TBX21: variants seen among roughly 807,000 people sequenced by gnomAD.
The protein encoded by TBX21 is T-box transcription factor TBX21.
TBX21 carries 11 observed loss-of-function variants against 52.2 expected under a neutral mutation model. The ratio of observed to expected loss-of-function variants is 0.21; its 90% CI spans 0.13 to 0.35. The LOEUF is 0.35. Ranked by LOEUF, TBX21 falls within the 10% of genes least tolerant of loss-of-function variation. TBX21 has a pLI of 1.00. For missense variants in TBX21, 625 were observed against 755.1 expected (o/e 0.83, Z 2.02); for synonymous variants, 300 against 316.1 (o/e 0.95, Z 0.54).
chr17:47,745,104 G>C lies in TBX21; in HGVS notation c.1346G>C (p.Arg449Pro). 6.2e-7 allele frequency: 1 copy of C among 1,613,892 alleles called. No homozygotes were observed. Among genetic ancestry groups the C allele is most frequent in the Non-Finnish European group, 8.5e-7 (1 of 1,180,024 alleles). The change falls in exon 6 of 6, where the codon CGC becomes CCC. Residue 449 changes from arginine to proline, a missense_variant. Around this residue, in one of 4 missense-constraint regions of TBX21, gnomAD observed 261 missense variants for 275.1 expected, o/e 0.95. Coordinates refer to ENST00000177694, the MANE Select transcript of TBX21 (RefSeq NM_013351.2). ...PPKMGPASWFRPMRTLPMEPG... is the reference protein window; with the variant it reads ...PPKMGPASWFPPMRTLPMEPG... ...AAGATGGGCCCGGCCAGCTGGTTCC[G>C]CCCTATGCGGACTCTGCCCATGGAA...
In TBX21 at chr17:47,745,149, AGGGACG is replaced by A. The variant is rs779985885; in HGVS notation, c.1397_1402del (p.Arg466_Gly467del). 6.2e-7 allele frequency: 1 copy of A among 1,614,060 alleles called. No individual in the cohort carries two copies. The highest frequency in any genetic ancestry group is 8.5e-7 in the Non-Finnish European group (1 of 1,180,018). On this transcript the variant is annotated inframe_deletion, in exon 6 of 6. Coordinates refer to ENST00000177694, the MANE Select transcript of TBX21 (RefSeq NM_013351.2). ...ATGGAACCCGGCCCTGGAGGCTCAG[AGGGACG>A]GGGACCAGAGGACCAGGGTCCCCCC...
rs1229925300 is a variant in TBX21 at position 47,745,863 on chromosome 17, C to CTGACTT, written c.*500_*505dup. The CTGACTT allele has an allele frequency of 2.0e-5, 3 of 153,832 alleles. No homozygotes were observed. The highest frequency in any genetic ancestry group is 4.3e-5 in the Non-Finnish European group (3 of 69,204). 9.5% of individuals were successfully genotyped at this position (153,832 alleles called of 1,614,324 possible). On this transcript the variant is annotated 3_prime_UTR_variant, in exon 6 of 6. Transcript: ENST00000177694. The stretch of plus-strand genomic sequence containing the variant: ...CGCCAGGGTCAGGGAAAGGACTCAC[C>CTGACTT]TGACTTTGGACAGCTGGCCTGGGCT...
chr17:47,745,308 C>T lies in TBX21; in HGVS notation c.1550C>T (p.Ala517Val), dbSNP rs767338550. The T allele has an allele frequency of 8.7e-6, 14 of 1,611,502 alleles. No homozygotes were observed. In the South Asian group the frequency reaches 1.3e-4, roughly 15 times the overall value. The change falls in exon 6 of 6, where the codon GCC becomes GTC. Residue 517 changes from alanine to valine, a missense_variant. Transcript: ENST00000177694. ...GGTGACAGCTCCTCCCCTGCTGGGG[C>T]CCCTTCTCCTTTTGATAAGGAAGCT... The part of the protein sequence containing the change: ...SSGDSSSPAG[A>V]PSPFDKEAEG...
In TBX21 at chr17:47,745,934, G is replaced by C. The variant is rs1489683814; in HGVS notation, c.*568G>C. 6.6e-6 allele frequency: 1 copy of C among 152,524 alleles called. No individual in the cohort carries two copies. The highest frequency in any genetic ancestry group is 1.5e-5 in the Non-Finnish European group (1 of 68,306). 9.4% of individuals were successfully genotyped at this position (152,524 alleles called of 1,614,324 possible). On this transcript the variant is annotated 3_prime_UTR_variant, in exon 6 of 6. Transcript: ENST00000177694. ...GGGATCAGAGAAAAGGGGCTGGAAA[G>C]GGGGGAATGGCCCACATCTCAAGAA...
At chr17:47,739,202 T>C (rs535589934) in intron 1 of TBX21, among the ~76,000 whole-genome samples, 18 of 152,264 alleles carry the variant, frequency 1.2e-4, no homozygotes, top group Middle Eastern at 6.8e-3. Context: ...GTCATGTAAA[T>C]CAGGGGCTAT....
Position 47,742,972 on chromosome 17 carries a change from C to A in TBX21, c.647-99C>A, listed in dbSNP as rs537511776. On this transcript the variant is annotated intron_variant, in intron 2 of 5. Transcript: ENST00000177694. This position sits in a 1 kb window ranked among gnomAD's most constrained non-coding sequence, Gnocchi z 4.4. ...CTGCCCTTCCCTGCCTGGTCCTCCC[C>A]CTGTGTCCTTCCTTACGTCCCTCTC... 6.4e-7 allele frequency: 1 copy of A among 1,557,214 alleles called. No homozygotes were observed. Among genetic ancestry groups the A allele is most frequent in the Non-Finnish European group, 8.7e-7 (1 of 1,154,350 alleles).
chr17:47,733,683 T>C lies in TBX21; in HGVS notation c.229T>C (p.Tyr77His). ...GAGCCGCTTCCTTGGAGCCTACGCC[T>C]ACCCGCCGCGACCCCAGGCGGCCGG... is the stretch of plus-strand genomic sequence containing the variant. Reference protein sequence around the residue: ...PPSRFLGAYAYPPRPQAAGFP... With the variant: ...PPSRFLGAYAHPPRPQAAGFP... Residue 77 changes from tyrosine to histidine, a missense_variant, in exon 1 of 6, where the codon TAC becomes CAC. Tyr to His is a moderately conservative substitution (Grantham distance 83). Around this residue, in one of 4 missense-constraint regions of TBX21, gnomAD observed 221 missense variants for 204.9 expected, o/e 1.08. Transcript: ENST00000177694. The surrounding 1 kb of genome is among the most constrained non-coding windows in gnomAD (Gnocchi z 6.6). 7.0e-7 allele frequency: 1 copy of C among 1,435,062 alleles called. No individual in the cohort carries two copies. 88.9% of individuals were successfully genotyped at this position (1,435,062 alleles called of 1,614,324 possible).
chr17:47,733,715 C>A lies in TBX21; in HGVS notation c.261C>A (p.Pro87=). The stretch of plus-strand genomic sequence containing the variant: ...CGCGACCCCAGGCGGCCGGCTTCCC[C>A]GGCGCGGGCGAGTCCTTCCCGCCGC... The part of the protein sequence containing the change: ...YPPRPQAAGF[P]GAGESFPPPA... Residue 87 remains proline, a synonymous_variant, in exon 1 of 6, where the codon CCC becomes CCA. Coordinates refer to ENST00000177694, the MANE Select transcript of TBX21 (RefSeq NM_013351.2). This position sits in a 1 kb window ranked among gnomAD's most constrained non-coding sequence, Gnocchi z 6.6. 2 of 1,414,924 alleles carry A rather than the reference C, an allele frequency of 1.4e-6. No individual in the cohort carries two copies. Among genetic ancestry groups the A allele is most frequent in the Non-Finnish European group, 1.8e-6 (2 of 1,085,360 alleles). The allele number at this position is 1,414,924 out of a possible 1,614,324, so 87.6% of individuals were successfully genotyped here. A position where few individuals can be genotyped will look rare whatever the true frequency, so the allele number is the denominator to read the frequency against.
At position 47,733,567 on chromosome 17, in the gene TBX21, C is replaced by G; in HGVS notation, c.113C>G (p.Pro38Arg). 6.8e-7 allele frequency: 1 copy of G among 1,473,260 alleles called. No homozygotes were observed. The allele number at this position is 1,473,260 out of a possible 1,614,324, so 91.3% of individuals were successfully genotyped here. ...GACCCGCAGCACCGCTACTTCTACC[C>G]GGAGCCGGGCGCGCAGGACGCGGAC... ...GADPQHRYFY[P>R]EPGAQDADER... The change falls in exon 1 of 6, where the codon CCG becomes CGG. Residue 38 changes from proline to arginine, a missense_variant. Transcript: ENST00000177694. This position sits in a 1 kb window ranked among gnomAD's most constrained non-coding sequence, Gnocchi z 6.6.
rs1022103577 is a variant in TBX21 at position 47,744,719 on chromosome 17, C to T, written c.990-29C>T. 5 of 1,601,114 alleles carry T rather than the reference C, an allele frequency of 3.1e-6. No homozygotes were observed. In the African/African-American group the frequency reaches 5.4e-5, roughly 17 times the overall value. ...ACAGGTGACTGGTTCTGCTTGTGAC[C>T]CGTTTTCTTGCCTTCTATTTTTTTC... On this transcript the variant is annotated intron_variant, in intron 5 of 5. Coordinates refer to ENST00000177694, the MANE Select transcript of TBX21 (RefSeq NM_013351.2).
intron 1 of TBX21, among the ~76,000 whole-genome samples, chr17:47,737,169 A>T (rs2032216087): frequency 6.6e-6 from 1 of 152,178 alleles, no homozygotes; most frequent in Non-Finnish European, 1.5e-5. Context: ...GATTTGGGGC[A>T]GCCTGATAAT....
rs2032323713 is a variant in TBX21, at chr17:47,745,465, C to T, written c.*99C>T. Reference sequence around the variant, plus strand: ...GAAGGACTGAGAAGGCCCCCGCTCCCTCTGGCCCTTCTCTGTTTAGTAGTT... The same window carrying T: ...GAAGGACTGAGAAGGCCCCCGCTCCTTCTGGCCCTTCTCTGTTTAGTAGTT... On this transcript the variant is annotated 3_prime_UTR_variant, in exon 6 of 6. Transcript: ENST00000177694. 1.2e-5 allele frequency: 17 copies of T among 1,475,674 alleles called. No individual in the cohort carries two copies. In the South Asian group the frequency reaches 2.1e-4, roughly 18 times the overall value. The allele number at this position is 1,475,674 out of a possible 1,614,324, so 91.4% of individuals were successfully genotyped here.
At chr17:47,736,750 T>G (rs1395099515) in intron 1 of TBX21, among the ~76,000 whole-genome samples, 1 of 152,162 alleles carries the variant, frequency 6.6e-6, no homozygotes, top group African/African-American at 2.4e-5. Context: ...GCTTTTGGGC[T>G]TATAGCACAG....
At position 47,742,502 on chromosome 17, in the gene TBX21, G is replaced by T; in HGVS notation, c.492-108G>T. The T allele has an allele frequency of 7.4e-7, 1 of 1,345,412 alleles. No individual in the cohort carries two copies. The highest frequency in any genetic ancestry group is 9.9e-7 in the Non-Finnish European group (1 of 1,010,544). The allele number at this position is 1,345,412 out of a possible 1,614,324, so 83.3% of individuals were successfully genotyped here. The stretch of plus-strand genomic sequence containing the variant: ...ACCTTCCAGCTGGTTCTTGTGAGTG[G>T]GAGGAAGCCGGCTACAGCACACCAC... On this transcript the variant is annotated intron_variant, in intron 1 of 5. Coordinates refer to ENST00000177694, the MANE Select transcript of TBX21 (RefSeq NM_013351.2). This position sits in a 1 kb window ranked among gnomAD's most constrained non-coding sequence, Gnocchi z 4.4.
chr17:47,740,532 G>A (rs935636093), intron 1 of TBX21, among the ~76,000 whole-genome samples: 3 of 152,050 alleles, frequency 2.0e-5, no homozygotes, highest in African/African-American at 7.2e-5. Flanking sequence ...TCAGGAGTTC[G>A]AGACCAGCTT....
Position 47,745,146 on chromosome 17 carries a change from C to T in TBX21, c.1388C>T (p.Ser463Leu), listed in dbSNP as rs2032317436. ...CCCATGGAACCCGGCCCTGGAGGCTCAGAGGGACGGGGACCAGAGGACCAG... is the reference window on the plus strand; with the variant it reads ...CCCATGGAACCCGGCCCTGGAGGCTTAGAGGGACGGGGACCAGAGGACCAG... ...TLPMEPGPGGSEGRGPEDQGP... is the reference protein window; with the variant it reads ...TLPMEPGPGGLEGRGPEDQGP... Residue 463 changes from serine to leucine, a missense_variant, in exon 6 of 6, where the codon TCA becomes TTA. This residue lies in a region of TBX21 where 261 missense variants were observed against 275.1 expected (regional missense o/e 0.95). Transcript: ENST00000177694. The T allele has an allele frequency of 6.2e-7, 1 of 1,614,080 alleles. No homozygotes were observed. Among genetic ancestry groups the T allele is most frequent in the South Asian group, 1.1e-5 (1 of 91,090 alleles).
At position 47,742,534 on chromosome 17, in the gene TBX21, C is replaced by T; in HGVS notation, c.492-76C>T. On this transcript the variant is annotated intron_variant, in intron 1 of 5. Coordinates refer to ENST00000177694, the MANE Select transcript of TBX21 (RefSeq NM_013351.2). The surrounding 1 kb of genome is among the most constrained non-coding windows in gnomAD (Gnocchi z 4.4). ...GCCGGCTACAGCACACCACTGATGC[C>T]TGGGCACTGTTGCAGGGGGGACTGG... 6.7e-7 allele frequency: 1 copy of T among 1,484,768 alleles called. No individual in the cohort carries two copies. Among genetic ancestry groups the T allele is most frequent in the Admixed American group, 2.3e-5 (1 of 42,958 alleles). The allele number at this position is 1,484,768 out of a possible 1,614,324, so 92.0% of individuals were successfully genotyped here.
At position 47,742,335 on chromosome 17, in the gene TBX21, GC is replaced by G. The variant is rs1286442342; in HGVS notation, c.492-273del. ...GACCTCAGGTGATCCGCCCGCCTTGGCCTCTCAAAGTGCTGGGATTACAGGC... is the reference window on the plus strand; with the variant it reads ...GACCTCAGGTGATCCGCCCGCCTTGGCTCTCAAAGTGCTGGGATTACAGGC... On this transcript the variant is annotated intron_variant, in intron 1 of 5. Coordinates refer to ENST00000177694, the MANE Select transcript of TBX21 (RefSeq NM_013351.2). The surrounding 1 kb of genome is among the most constrained non-coding windows in gnomAD (Gnocchi z 4.4). Among the ~76,000 whole-genome samples, 2 of 152,146 alleles carry G rather than the reference GC, an allele frequency of 1.3e-5. No individual in the cohort carries two copies. The highest frequency in any genetic ancestry group is 2.9e-5 in the Non-Finnish European group (2 of 68,032).
intron 1 of TBX21, among the ~76,000 whole-genome samples, chr17:47,740,687 G>T (rs1390968267): frequency 6.6e-6 from 1 of 152,118 alleles, no homozygotes; most frequent in African/African-American, 2.4e-5. Flanking sequence ...CTGAGATCAC[G>T]CCACTGCACT....
Sources: gnomAD v4.1 joint callset for allele counts (sites outside exome capture counted in the v4.1 genomes callset) on GRCh38, gnomAD v4.1.1 for gene constraint, gnomAD v4.1.1 regional missense constraint, Gnocchi (gnomAD v3.1) non-coding constraint, MANE v1.5 for transcripts, NCBI Gene and HGNC (gene_info 2026-07-23, HGNC 2026-07-21) for gene names.